Variants in CREB5 observed in about 807,000 individuals in gnomAD.
The protein encoded by CREB5 is cAMP responsive element binding protein 5.
CREB5 carries 19 observed loss-of-function variants against 57.1 expected under a neutral mutation model. The ratio of observed to expected loss-of-function variants is 0.33; its 90% CI spans 0.23 to 0.49. The LOEUF is 0.49. Ranked by LOEUF, CREB5 falls within the 20% of genes least tolerant of loss-of-function variation. The pLI is 0.99. For synonymous variants in CREB5, 238 were observed against 238.3 expected, an observed-to-expected ratio of 1.00 and a Z score of 0.01; for missense variants, 579 against 671.6, an observed-to-expected ratio of 0.86 and a Z score of 1.52.
chr7:28,790,460 G>T (rs371593730), intron 7 of CREB5, among the ~76,000 whole-genome samples: 5 of 33,738 alleles, frequency 1.5e-4, no homozygotes, highest in East Asian at 3.0e-4. Flanking sequence ...GAGAGAGAGA[G>T]ATAGAGAGAG....
chr7:28,341,566 A>G (rs887687391), intron 1 of CREB5, among the ~76,000 whole-genome samples: 1 of 152,132 alleles, frequency 6.6e-6, no homozygotes, highest in East Asian at 1.9e-4. Context: ...CCTCCAACTG[A>G]TTGTATCGGC....
chr7:28,811,191 C>T (rs1427710648), intron 9 of CREB5, among the ~76,000 whole-genome samples: 2 of 152,144 alleles, frequency 1.3e-5, no homozygotes, highest in Admixed American at 1.3e-4. Flanking sequence ...TGTCTACACT[C>T]AGTAACCATT....
intron 7 of CREB5, among the ~76,000 whole-genome samples, chr7:28,775,427 A>G (rs374302953): frequency 2.6e-5 from 4 of 151,854 alleles, no homozygotes; most frequent in Admixed American, 1.3e-4. Flanking sequence ...ACATCCATCT[A>G]TCCACTACCT....
chr7:28,755,455 T>C (rs560945181), intron 7 of CREB5, among the ~76,000 whole-genome samples: 4 of 152,256 alleles, frequency 2.6e-5, no homozygotes, highest in South Asian at 2.1e-4. Context: ...GGAGGTCCAG[T>C]TGGCAAGATA....
At chr7:28,771,578 GCAGGGCAACCCTTCTCATGTCA>G (rs1264843882) in intron 7 of CREB5, among the ~76,000 whole-genome samples, 5 of 152,144 alleles carry the variant, frequency 3.3e-5, no homozygotes, top group Non-Finnish European at 5.9e-5. Flanking sequence ...CGTGTGAGGA[GCAGGGCAACCCTTCTCATGTCA>G]TGATCTCTCT....
intron 5 of CREB5, among the ~76,000 whole-genome samples, chr7:28,703,902 A>G (rs1801982190): frequency 6.6e-6 from 1 of 152,216 alleles, no homozygotes; most frequent in Non-Finnish European, 1.5e-5. Flanking sequence ...AAAACCTACC[A>G]TCACAGGCAC....
chr7:28,560,831 C>CGTGCGTGCGCGTGCGT (rs1562797049), intron 4 of CREB5, among the ~76,000 whole-genome samples: 7 of 58,894 alleles, frequency 1.2e-4, no homozygotes, highest in Non-Finnish European at 1.4e-4. Flanking sequence ...TGCGCGCGCG[C>CGTGCGTGCGCGTGCGT]GCGTGTGTGT....
chr7:28,662,577 A>C (rs1799652724), intron 5 of CREB5, among the ~76,000 whole-genome samples: 1 of 152,108 alleles, frequency 6.6e-6, no homozygotes, highest in African/African-American at 2.4e-5. Context: ...CTCTCTGAAA[A>C]GTTTGATTTA....
At chr7:28,789,448 A>ATG (rs1807536096) in intron 7 of CREB5, among the ~76,000 whole-genome samples, 1 of 152,146 alleles carries the variant, frequency 6.6e-6, no homozygotes, top group Non-Finnish European at 1.5e-5. Context: ...TCTTAGTTTC[A>ATG]AAATAGGTCT....
At chr7:28,781,118 A>C (rs1175887884) in intron 7 of CREB5, among the ~76,000 whole-genome samples, 1 of 152,214 alleles carries the variant, frequency 6.6e-6, no homozygotes, top group Admixed American at 6.5e-5. Flanking sequence ...ATTAGAGCCC[A>C]GACTGTAGCT....
chr7:28,672,634 C>T (rs1406427455), intron 5 of CREB5, among the ~76,000 whole-genome samples: 1 of 152,138 alleles, frequency 6.6e-6, no homozygotes, highest in Non-Finnish European at 1.5e-5. Flanking sequence ...TCACAGCTTC[C>T]ACTCCCCAGC....
At chr7:28,409,892 C>G (rs1426159983), upstream of CREB5, 1 of 455,194 alleles carries the variant, frequency 2.2e-6, no homozygotes, top group African/African-American at 2.0e-5. The surrounding 1 kb of genome is among the most constrained non-coding windows in gnomAD (Gnocchi z 4.4). Flanking sequence ...GTGTTTGCCT[C>G]CAGAGACCTG....
intron 2 of CREB5, among the ~76,000 whole-genome samples, chr7:28,491,534 T>C (rs1791809671): frequency 6.6e-6 from 1 of 152,186 alleles, no homozygotes; most frequent in Non-Finnish European, 1.5e-5. Flanking sequence ...AAATTGGGAT[T>C]GACAAAGTTT....
intron 1 of CREB5, among the ~76,000 whole-genome samples, chr7:28,311,768 G>A (rs894646392): frequency 6.6e-6 from 1 of 152,208 alleles, no homozygotes; most frequent in African/African-American, 2.4e-5. Context: ...TCCGTGGCTT[G>A]TCATTGAAGA....
chr7:28,603,722 C>T (rs1198761170), intron 5 of CREB5, among the ~76,000 whole-genome samples: 3 of 152,076 alleles, frequency 2.0e-5, no homozygotes, highest in Non-Finnish European at 4.4e-5. Context: ...AGCTTTATAC[C>T]CCTACGCTTT....
intron 4 of CREB5, among the ~76,000 whole-genome samples, chr7:28,537,203 TATGAC>T (rs1305631847): frequency 6.6e-6 from 1 of 152,216 alleles, no homozygotes; most frequent in African/African-American, 2.4e-5. Context: ...ATTTGAGAAA[TATGAC>T]ATGATGTTAT....
intron 2 of CREB5, among the ~76,000 whole-genome samples, chr7:28,489,446 C>A (rs1309052264): frequency 1.3e-5 from 2 of 151,930 alleles, no homozygotes; most frequent in Admixed American, 6.6e-5. Flanking sequence ...ACTAGAGGTG[C>A]CCGCCACCAC....
At chr7:28,369,661 A>G (rs906460606) in intron 1 of CREB5, among the ~76,000 whole-genome samples, 2 of 152,164 alleles carry the variant, frequency 1.3e-5, no homozygotes, top group African/African-American at 4.8e-5. Flanking sequence ...TGCTTTGTCC[A>G]ATGGCCAGTG....
chr7:28,818,275 G>A, intron 10 of CREB5, 96 bp downstream of exon 10: 1 of 812,268 alleles, frequency 1.2e-6, no homozygotes, highest in Non-Finnish European at 2.0e-6. Context: ...GTAAAGTGTA[G>A]ATTGTACTTC....
Sources: allele counts gnomAD v4.1 joint callset (sites outside exome capture counted in the v4.1 genomes callset), GRCh38; gene constraint gnomAD v4.1.1; non-coding constraint Gnocchi (gnomAD v3.1); transcripts MANE v1.5; gene names NCBI Gene and HGNC (gene_info 2026-07-23, HGNC 2026-07-21).